The following ADCY1 variants were observed in gnomAD, a reference collection of about 807,000 sequenced individuals.
ADCY1 encodes adenylate cyclase type 1.
Under a neutral mutation model 105.4 loss-of-function variants are expected in ADCY1, and 28 were observed. The observed-to-expected ratio is 0.27, with a 90% confidence interval of 0.20 to 0.36. ADCY1 has a LOEUF of 0.36. ADCY1 is among the 10% of genes least tolerant of loss of function. The pLI is 1.00. For synonymous variants in ADCY1, 655 were observed against 623.8 expected, an observed-to-expected ratio of 1.05 and a Z score of -0.75; for missense variants, 977 against 1,434.2, an observed-to-expected ratio of 0.68 and a Z score of 5.15.
intron 1 of ADCY1, among the ~76,000 whole-genome samples, chr7:45,576,683 C>T (rs1056237767): frequency 2.6e-5 from 4 of 152,108 alleles, no homozygotes; most frequent in Admixed American, 2.0e-4. Flanking sequence ...ATTCCTGTAT[C>T]TCCTACTGCC....
chr7:45,584,497 C>G (rs773265973), intron 1 of ADCY1, among the ~76,000 whole-genome samples: 4 of 152,252 alleles, frequency 2.6e-5, no homozygotes, highest in Non-Finnish European at 5.9e-5. Context: ...CCCCCCGCTG[C>G]CCCCTGCTGT....
At chr7:45,657,597 G>A (rs969470692) in intron 5 of ADCY1, 130 bp from the exon 6 acceptor site, 13 of 1,008,574 alleles carry the variant, frequency 1.3e-5, no homozygotes, top group South Asian at 3.2e-5. Context: ...AGACCTCCAC[G>A]CTCAGGCCAC....
At position 45,708,026 on chromosome 7, in the gene ADCY1, G is replaced by T. The variant is rs1487753678; in HGVS notation, c.2818-324G>T. Among the ~76,000 whole-genome samples, 2 of 152,120 alleles carry T rather than the reference G, an allele frequency of 1.3e-5. No homozygotes were observed. Among genetic ancestry groups the T allele is most frequent in the Non-Finnish European group, 2.9e-5 (2 of 68,038 alleles). On this transcript the variant is annotated intron_variant, in intron 17 of 19. Transcript: ENST00000297323. The surrounding 1 kb of genome is among the most constrained non-coding windows in gnomAD (Gnocchi z 4.7). ...TGGCATGCATCTCTGTCCTTGTTTTGCTCATTTGCAATGGCCATTAGCAAC... is the reference window on the plus strand; with the variant it reads ...TGGCATGCATCTCTGTCCTTGTTTTTCTCATTTGCAATGGCCATTAGCAAC...
intron 5 of ADCY1, among the ~76,000 whole-genome samples, chr7:45,649,716 G>T (rs1049168669): frequency 1.3e-5 from 2 of 152,204 alleles, no homozygotes; most frequent in Admixed American, 1.3e-4. Flanking sequence ...GGAGGAGGCT[G>T]GTACCTCAAG....
At chr7:45,595,312 G>A (rs1464564142) in intron 2 of ADCY1, among the ~76,000 whole-genome samples, 17 of 152,202 alleles carry the variant, frequency 1.1e-4, no homozygotes, top group Admixed American at 1.1e-3. Flanking sequence ...AAAGCCCCTA[G>A]GGTGGGGCCC....
rs1482816319 is a variant in ADCY1, at chr7:45,719,783, GCATTTGGGGAAC to G, written c.*5792_*5803del. On this transcript the variant is annotated 3_prime_UTR_variant, in exon 20 of 20. Coordinates refer to ENST00000297323, the MANE Select transcript of ADCY1 (RefSeq NM_021116.4). ...TACAGTCAGATAACTGCCACGCAGG[GCATTTGGGGAAC>G]CATCCCCGAATGCCCTGATGTGATT... 1 of 152,206 alleles carries G rather than the reference GCATTTGGGGAAC, an allele frequency of 6.6e-6. No homozygotes were observed. The highest frequency in any genetic ancestry group is 2.4e-5 in the African/African-American group (1 of 41,448). 9.4% of individuals were successfully genotyped at this position (152,206 alleles called of 1,614,324 possible).
At chr7:45,623,728 C>T (rs78777876) in intron 4 of ADCY1, among the ~76,000 whole-genome samples, 3,131 of 152,314 alleles carry the variant, frequency 0.021, 60 homozygotes, top group African/African-American at 0.05. Context: ...GAGATTTTCA[C>T]GCCCAGACTG....
intron 1 of ADCY1, among the ~76,000 whole-genome samples, chr7:45,590,881 G>A (rs1353673188): frequency 6.6e-6 from 1 of 152,174 alleles, no homozygotes; most frequent in Non-Finnish European, 1.5e-5. Flanking sequence ...TTGCCAGTGT[G>A]TGGTGTTTAA....
At chr7:45,666,598 T>G (rs1243099452) in intron 8 of ADCY1, among the ~76,000 whole-genome samples, 1 of 152,212 alleles carries the variant, frequency 6.6e-6, no homozygotes, top group African/African-American at 2.4e-5. Context: ...ACGTGTGCAT[T>G]TGTCTTTATA....
At chr7:45,692,433 AG>A (rs1208646181) in intron 14 of ADCY1, among the ~76,000 whole-genome samples, 1 of 152,216 alleles carries the variant, frequency 6.6e-6, no homozygotes, top group African/African-American at 2.4e-5. Flanking sequence ...AGTACAGTGA[AG>A]GGCGTGCCAT....
intron 1 of ADCY1, among the ~76,000 whole-genome samples, chr7:45,584,095 G>T (rs1237538391): frequency 6.6e-6 from 1 of 151,992 alleles, no homozygotes; most frequent in Non-Finnish European, 1.5e-5. Context: ...CTACAGGAGT[G>T]CACCATCATG....
At chr7:45,597,599 C>G (rs1286005485) in intron 2 of ADCY1, among the ~76,000 whole-genome samples, 4 of 152,222 alleles carry the variant, frequency 2.6e-5, no homozygotes, top group Admixed American at 6.5e-5. Context: ...CCCTCCTGTA[C>G]TGTTTAGTGT....
chr7:45,606,160 C>G (rs928269973), intron 2 of ADCY1, among the ~76,000 whole-genome samples: 3 of 152,024 alleles, frequency 2.0e-5, no homozygotes, highest in Non-Finnish European at 2.9e-5. Context: ...GAATGAGATC[C>G]CCTTGGTTCC....
intron 11 of ADCY1, among the ~76,000 whole-genome samples, chr7:45,680,872 A>G (rs972632779): frequency 6.6e-6 from 1 of 152,268 alleles, no homozygotes; most frequent in African/African-American, 2.4e-5. Context: ...AAAGTGTGAA[A>G]AGCCATTGGG....
At chr7:45,646,076 AG>A (rs1794656943) in intron 4 of ADCY1, among the ~76,000 whole-genome samples, 1 of 152,068 alleles carries the variant, frequency 6.6e-6, no homozygotes, top group Admixed American at 6.5e-5. Flanking sequence ...CTGTGCATTC[AG>A]GCCTGTGTCT....
intron 1 of ADCY1, among the ~76,000 whole-genome samples, chr7:45,586,724 CTCAGTCAGGGA>C (rs1045644938): frequency 6.6e-6 from 1 of 152,208 alleles, no homozygotes; most frequent in South Asian, 2.1e-4. Context: ...CCACTGGGGG[CTCAGTCAGGGA>C]GGGGGACAGA....
chr7:45,677,929 G>A lies in ADCY1; in HGVS notation c.1666G>A (p.Val556Ile), dbSNP rs781058119. 2.0e-5 allele frequency: 32 copies of A among 1,613,954 alleles called. No individual in the cohort carries two copies. The highest frequency in any genetic ancestry group is 1.6e-4 in the East Asian group (7 of 44,884). ...AAACCGCTCATCTTTTTCTACCAAC[G>A]TTGTCTACACCACCCCGGGCACTCG... ...LRNRSSFSTN[V>I]VYTTPGTRVN... is the part of the protein sequence containing the mutation. The change falls in exon 9 of 20, where the codon GTT becomes ATT. Residue 556 changes from valine (V) to isoleucine (I), a missense_variant. Around this residue, in one of 7 missense-constraint regions of ADCY1, gnomAD observed 275 missense variants for 362.1 expected, o/e 0.76. Transcript: ENST00000297323.
intron 14 of ADCY1, among the ~76,000 whole-genome samples, chr7:45,692,509 C>T (rs1784802962): frequency 6.6e-6 from 1 of 152,206 alleles, no homozygotes; most frequent in Non-Finnish European, 1.5e-5. Flanking sequence ...TGTAATACCT[C>T]ACCCCTGAGG....
At chr7:45,600,382 C>T (rs368959580) in intron 2 of ADCY1, among the ~76,000 whole-genome samples, 2 of 152,124 alleles carry the variant, frequency 1.3e-5, no homozygotes, top group South Asian at 4.1e-4. Context: ...TGGAAGAGCC[C>T]GAGGAGCAGA....
Sources: gnomAD v4.1 joint callset for allele counts (sites outside exome capture counted in the v4.1 genomes callset) on GRCh38, gnomAD v4.1.1 for gene constraint, gnomAD v4.1.1 regional missense constraint, Gnocchi (gnomAD v3.1) non-coding constraint, MANE v1.5 for transcripts, NCBI Gene and HGNC (gene_info 2026-07-23, HGNC 2026-07-21) for gene names.